CHIA: variants seen among roughly 807,000 people sequenced by gnomAD.
CHIA encodes chitinase acidic.
CHIA carries 47 observed loss-of-function variants against 53.5 expected under a neutral mutation model. That is an observed-to-expected ratio of 0.88 (90% CI 0.70 to 1.12). The LOEUF is 1.12. Ranked by LOEUF, CHIA falls within the 50% of genes most tolerant of loss-of-function variation. CHIA has a pLI of 0.00. For synonymous variants in CHIA, 268 were observed against 222.2 expected (o/e 1.21, Z -1.83); for missense variants, 652 against 592.2 (o/e 1.10, Z -1.05).
At chr1:111,307,020 C>A (rs950265171) in intron 1 of CHIA, among the ~76,000 whole-genome samples, 18 of 152,174 alleles carry the variant, frequency 1.2e-4, no homozygotes, top group African/African-American at 4.3e-4. Context: ...ATTGATATAA[C>A]TACTTTGGAA....
chr1:111,318,714 C>G, intron 9 of CHIA, 36 bp downstream of exon 9: 1 of 1,586,600 alleles, frequency 6.3e-7, no homozygotes. Flanking sequence ...TCTGTGAATT[C>G]CGTGCACTGT....
intron 5 of CHIA, chr1:111,315,042 G>A (rs1328060305): frequency 4.3e-6 from 2 of 467,122 alleles, no homozygotes; most frequent in Non-Finnish European, 7.6e-6. Flanking sequence ...AGGGCAACTT[G>A]GGAGAAAGAG....
intron 1 of CHIA, among the ~76,000 whole-genome samples, chr1:111,306,289 G>A (rs979884883): frequency 1.3e-5 from 2 of 152,166 alleles, no homozygotes; most frequent in African/African-American, 4.8e-5. Flanking sequence ...TGTGTGAGTT[G>A]GAGGGTGGGA....
At chr1:111,313,957 G>A (rs1366724173) in intron 4 of CHIA, among the ~76,000 whole-genome samples, 1 of 152,128 alleles carries the variant, frequency 6.6e-6, no homozygotes, top group East Asian at 1.9e-4. Context: ...TTCTTGAAGT[G>A]TGCTCCATTG....
In CHIA at chr1:111,318,127, T is replaced by C. The variant is rs1302631477; in HGVS notation, c.729+18T>C. 2 of 1,589,054 alleles carry C rather than the reference T, an allele frequency of 1.3e-6. No individual in the cohort carries two copies. The highest frequency in any genetic ancestry group is 1.7e-4 in the Middle Eastern group (1 of 6,010). On this transcript the variant is annotated intron_variant, in intron 8 of 11. Transcript: ENST00000369740. ...TCAATGTGGTGAGTCCCTGTACAGATGCAAGAGCAGACCAGAGATGATGAT... is the reference window on the plus strand; with the variant it reads ...TCAATGTGGTGAGTCCCTGTACAGACGCAAGAGCAGACCAGAGATGATGAT...
Position 111,312,300 on chromosome 1 carries a change from T to C in CHIA, c.166T>C (p.Tyr56His), listed in dbSNP as rs777741609. 2 of 1,614,002 alleles carry C rather than the reference T, an allele frequency of 1.2e-6. No individual in the cohort carries two copies. The highest frequency in any genetic ancestry group is 1.7e-6 in the Non-Finnish European group (2 of 1,179,980). The change falls in exon 4 of 12, where the codon TAC (tyrosine) becomes CAC (histidine). Residue 56 changes from tyrosine to histidine, a missense_variant. Tyr to His is a moderately conservative substitution (Grantham distance 83). Coordinates refer to ENST00000369740, the MANE Select transcript of CHIA (RefSeq NM_201653.4). ...IDPCLCTHLI[Y>H]AFAGRQNNEI... is the part of the protein sequence containing the mutation. ...CCCCTGCCTCTGTACCCACCTGATC[T>C]ACGCCTTTGCTGGGAGGCAGAACAA...
intron 3 of CHIA, among the ~76,000 whole-genome samples, 192 bp downstream of exon 3, chr1:111,311,910 T>C (rs1557742829): frequency 6.6e-6 from 1 of 152,164 alleles, no homozygotes; most frequent in East Asian, 1.9e-4. Context: ...TCACTGGGCT[T>C]CATAGGACTA....
At chr1:111,295,798 T>C (rs1228549999) in intron 1 of CHIA, among the ~76,000 whole-genome samples, 1 of 152,226 alleles carries the variant, frequency 6.6e-6, no homozygotes, top group African/African-American at 2.4e-5. Flanking sequence ...AGGATTTCCC[T>C]TTCCTAGCCA....
At chr1:111,315,132 G>A (rs981820663) in intron 5 of CHIA, 138 bp from the exon 6 acceptor site, 2 of 665,288 alleles carry the variant, frequency 3.0e-6, no homozygotes, top group African/African-American at 1.8e-5. Flanking sequence ...AGGAAGGAGA[G>A]GAGAAAACCA....
At chr1:111,301,983 A>T (rs1187952684) in intron 1 of CHIA, among the ~76,000 whole-genome samples, 1 of 152,160 alleles carries the variant, frequency 6.6e-6, no homozygotes, top group Admixed American at 6.5e-5. Flanking sequence ...CAGCAAACCA[A>T]CATGGCATAT....
intron 1 of CHIA, among the ~76,000 whole-genome samples, chr1:111,301,576 C>T (rs937631152): frequency 1.3e-5 from 2 of 151,902 alleles, no homozygotes; most frequent in African/African-American, 4.8e-5. Context: ...GTGGCAGGCA[C>T]CTATAGTCCC....
chr1:111,297,514 C>G (rs113536817), intron 1 of CHIA, among the ~76,000 whole-genome samples: 4 of 152,076 alleles, frequency 2.6e-5, no homozygotes, highest in Non-Finnish European at 5.9e-5. Context: ...CCTTCACAGA[C>G]AAGCAAATGC....
At chr1:111,309,067 G>A (rs1384238593) in intron 1 of CHIA, among the ~76,000 whole-genome samples, 7 of 152,146 alleles carry the variant, frequency 4.6e-5, no homozygotes, top group African/African-American at 9.7e-5. Context: ...AATAGCTAAC[G>A]CATGCTGGGC....
chr1:111,309,515 G>A (rs1430437489), intron 1 of CHIA, among the ~76,000 whole-genome samples: 1 of 152,236 alleles, frequency 6.6e-6, no homozygotes, highest in Non-Finnish European at 1.5e-5. Flanking sequence ...TTGAAGAACT[G>A]CTAAGATTGG....
chr1:111,301,740 C>A (rs1237451412), intron 1 of CHIA, among the ~76,000 whole-genome samples: 1 of 150,808 alleles, frequency 6.6e-6, no homozygotes, highest in Non-Finnish European at 1.5e-5. Context: ...GAGTTCCTGT[C>A]CTTTGCAGGG....
At chr1:111,318,754 G>A in intron 9 of CHIA, 76 bp downstream of exon 9, 2 of 1,466,076 alleles carry the variant, frequency 1.4e-6, no homozygotes, top group Non-Finnish European at 1.9e-6. Context: ...CTGAAATCTT[G>A]AATGTTCATT....
intron 1 of CHIA, among the ~76,000 whole-genome samples, chr1:111,308,678 A>G (rs764263081): frequency 1.3e-5 from 2 of 152,186 alleles, no homozygotes; most frequent in Non-Finnish European, 2.9e-5. Context: ...ATACAACAAT[A>G]TGCTTTTTCC....
chr1:111,303,443 G>GTATACACACATATACATA (rs1553181611), intron 1 of CHIA, among the ~76,000 whole-genome samples: 3 of 151,542 alleles, frequency 2.0e-5, no homozygotes, highest in Non-Finnish European at 2.9e-5. Flanking sequence ...CTATACACAT[G>GTATACACACATATACATA]TATACACACA....
chr1:111,296,886 T>A (rs186339608), intron 1 of CHIA, among the ~76,000 whole-genome samples: 44 of 152,300 alleles, frequency 2.9e-4, no homozygotes, highest in African/African-American at 1.0e-3. Context: ...TTAAATGAAC[T>A]GACAGAACGG....
Sources: allele counts gnomAD v4.1 joint callset (sites outside exome capture counted in the v4.1 genomes callset), GRCh38; gene constraint gnomAD v4.1.1; transcripts MANE v1.5; gene names NCBI Gene and HGNC (gene_info 2026-07-23, HGNC 2026-07-21).